Variants in CTSO observed in about 807,000 individuals in gnomAD.
The protein encoded by CTSO is cathepsin O.
CTSO carries 40 observed loss-of-function variants against 42.4 expected under a neutral mutation model. The ratio of observed to expected loss-of-function variants is 0.94; its 90% confidence interval spans 0.73 to 1.23. The LOEUF is 1.23. Among genes scored for constraint, CTSO ranks in the 50% most tolerant of loss-of-function variants. The pLI is 0.00. For missense variants in CTSO, 441 were observed against 396.0 expected (o/e 1.11, Z -0.96); for synonymous variants, 156 against 146.2 (o/e 1.07, Z -0.48).
intron 1 of CTSO, among the ~76,000 whole-genome samples, chr4:155,952,476 G>A (rs1743692763): frequency 6.6e-6 from 1 of 152,188 alleles, no homozygotes; most frequent in Non-Finnish European, 1.5e-5. Context: ...ACCAATAAAG[G>A]TGAAACTGAC....
rs1181367446 is a variant in CTSO, at chr4:155,932,082, T to G, written c.675-2377A>C. On this transcript the variant is annotated intron_variant, in intron 5 of 7. Coordinates refer to ENST00000433477, the MANE Select transcript of CTSO (RefSeq NM_001334.3). ...TTTTTGTTTATTTACATAGTCATTC[T>G]CATATTGTAGTTTGAGTCCTGAAAT... is the stretch of plus-strand genomic sequence containing the variant. Among the ~76,000 whole-genome samples, 5 of 152,238 alleles carry G rather than the reference T, an allele frequency of 3.3e-5. No individual in the cohort carries two copies. In the East Asian group the frequency reaches 9.6e-4, roughly 29 times the overall value.
intron 1 of CTSO, among the ~76,000 whole-genome samples, chr4:155,950,006 T>TA (rs11383821): frequency 0.73 from 110,744 of 152,104 alleles, 40,967 homozygotes; most frequent in South Asian, 0.91. Flanking sequence ...AAAAGCTTTT[T>TA]AAGGATACAC....
intron 2 of CTSO, 61 bp from the exon 3 acceptor site, chr4:155,942,517 T>TATGATATATATA: frequency 1.4e-6 from 1 of 724,858 alleles, no homozygotes; most frequent in Non-Finnish European, 1.8e-6. Flanking sequence ...TTATATTATA[T>TATGATATATATA]ATATCATATA....
intron 5 of CTSO, among the ~76,000 whole-genome samples, chr4:155,932,399 T>C (rs547639152): frequency 2.0e-5 from 3 of 152,188 alleles, no homozygotes; most frequent in Admixed American, 2.0e-4. Context: ...GCATCCACCA[T>C]ACATGGAAAT....
At position 155,937,343 on chromosome 4, in the gene CTSO, AAT is replaced by A. The variant is rs748193984; in HGVS notation, c.674+17_674+18del. On this transcript the variant is annotated intron_variant, in intron 5 of 7. Transcript: ENST00000433477. ...ATTAAAAATGTATAAAGAAAAACAT[AAT>A]ACAATAAGATCTTTACCTGAAGTCA... 1 of 1,578,280 alleles carries A rather than the reference AAT, an allele frequency of 6.3e-7. No individual in the cohort carries two copies. The highest frequency in any genetic ancestry group is 1.1e-5 in the South Asian group (1 of 88,122).
At chr4:155,933,371 G>T (rs1743269138) in intron 5 of CTSO, among the ~76,000 whole-genome samples, 1 of 151,954 alleles carries the variant, frequency 6.6e-6, no homozygotes, top group Non-Finnish European at 1.5e-5. Context: ...GGAACTGTAA[G>T]TCCAATTAAA....
Position 155,953,732 on chromosome 4 carries a change from C to T in CTSO, c.116G>A (p.Arg39His). The T allele has an allele frequency of 7.9e-7, 1 of 1,271,786 alleles. No homozygotes were observed. Among genetic ancestry groups the T allele is most frequent in the Non-Finnish European group, 9.9e-7 (1 of 1,010,100 alleles). 78.8% of individuals were successfully genotyped at this position (1,271,786 alleles called of 1,614,324 possible). Reference protein sequence around the residue: ...FTPTWPRSREREAAAFRESLN... With the variant: ...FTPTWPRSREHEAAAFRESLN... ...CGGTACCCGGAAGGCGGCGGCTTCACGCTCGCGGCTCCGCGGCCAGGTCGG... is the reference window on the plus strand; with the variant it reads ...CGGTACCCGGAAGGCGGCGGCTTCATGCTCGCGGCTCCGCGGCCAGGTCGG... The change falls in exon 1 of 8, where the codon CGT becomes CAT. Residue 39 changes from arginine (R) to histidine (H), a missense_variant. Coordinates refer to ENST00000433477, the MANE Select transcript of CTSO (RefSeq NM_001334.3).
chr4:155,925,879 G>A lies in CTSO; in HGVS notation c.*157C>T. 2 of 669,546 alleles carry A rather than the reference G, an allele frequency of 3.0e-6. No homozygotes were observed. Among genetic ancestry groups the A allele is most frequent in the East Asian group, 6.3e-5 (2 of 31,974 alleles). The allele number at this position is 669,546 out of a possible 1,614,324, so 41.5% of individuals were successfully genotyped here. A position where few individuals can be genotyped will look rare whatever the true frequency, so the allele number is the denominator to read the frequency against. ...TTGGTTGTCCATCTCTCTACAAGAA[G>A]GGAACATTCTGAAACTTAGTTTAAA... On this transcript the variant is annotated 3_prime_UTR_variant, in exon 8 of 8. Coordinates refer to ENST00000433477, the MANE Select transcript of CTSO (RefSeq NM_001334.3).
chr4:155,948,890 C>T (rs6830838), intron 1 of CTSO, among the ~76,000 whole-genome samples: 6,612 of 152,264 alleles, frequency 0.043, 399 homozygotes, highest in African/African-American at 0.13. Flanking sequence ...CAGATGTTTC[C>T]TTAATCTACT....
At chr4:155,945,941 A>G (rs1743537523) in intron 1 of CTSO, among the ~76,000 whole-genome samples, 1 of 152,104 alleles carries the variant, frequency 6.6e-6, no homozygotes, top group Non-Finnish European at 1.5e-5. Context: ...GCGCACACAC[A>G]CACATACGCA....
In CTSO at chr4:155,929,557, C is replaced by T. The variant is rs1560784237; in HGVS notation, c.823G>A (p.Gly275Arg). The T allele has an allele frequency of 4.3e-6, 7 of 1,612,456 alleles. No individual in the cohort carries two copies. The South Asian group carries it at 7.7e-5, about 18-fold the overall frequency. ...CAGCACTTACCTGTTTTATCAAACC[C>T]AGTTATGAGAACTGCATGATTTGCT... Reference protein sequence around the residue: ...GEANHAVLITGFDKTGSTPYW... With the variant: ...GEANHAVLITRFDKTGSTPYW... The change falls in exon 6 of 8, where the codon GGG (glycine) becomes AGG (arginine). Residue 275 changes from glycine to arginine, a missense_variant. By Grantham distance (125) the Gly-to-Arg change is moderately radical. Transcript: ENST00000433477.
intron 4 of CTSO, among the ~76,000 whole-genome samples, chr4:155,938,519 G>A (rs992468178): frequency 1.6e-4 from 25 of 152,188 alleles, no homozygotes; most frequent in African/African-American, 5.5e-4. Flanking sequence ...GGGACACTGG[G>A]GTATACTGAG....
intron 5 of CTSO, among the ~76,000 whole-genome samples, chr4:155,933,156 T>C (rs1743264411): frequency 6.6e-6 from 1 of 152,106 alleles, no homozygotes; most frequent in African/African-American, 2.4e-5. Flanking sequence ...TTCCCATGTG[T>C]TGTGGGAGGA....
intron 5 of CTSO, among the ~76,000 whole-genome samples, chr4:155,932,282 G>A (rs529601093): frequency 9.2e-5 from 14 of 152,162 alleles, no homozygotes; most frequent in African/African-American, 2.6e-4. Flanking sequence ...ACCACATGAC[G>A]TTACCAATAG....
intron 5 of CTSO, among the ~76,000 whole-genome samples, chr4:155,934,438 G>A (rs1000091125): frequency 2.6e-5 from 4 of 152,186 alleles, no homozygotes; most frequent in South Asian, 2.1e-4. Context: ...CAGGAGCTGC[G>A]AGAAGAGGGC....
chr4:155,944,027 T>G (rs1450601686), intron 1 of CTSO, among the ~76,000 whole-genome samples: 1 of 152,236 alleles, frequency 6.6e-6, no homozygotes, highest in Non-Finnish European at 1.5e-5. Flanking sequence ...ACCCTAGCGC[T>G]TCTACATATT....
intron 5 of CTSO, among the ~76,000 whole-genome samples, chr4:155,936,376 T>A (rs1315305042): frequency 6.6e-6 from 1 of 152,200 alleles, no homozygotes; most frequent in Non-Finnish European, 1.5e-5. Context: ...AATTTCACCC[T>A]TGATTTCTTT....
chr4:155,934,391 G>T (rs1246701726), intron 5 of CTSO, among the ~76,000 whole-genome samples: 2 of 152,234 alleles, frequency 1.3e-5, no homozygotes, highest in African/African-American at 2.4e-5. Flanking sequence ...CAGTGCAGAA[G>T]AAAAATGTGG....
rs1448400105 is a variant in CTSO at position 155,945,398 on chromosome 4, CAAT to C, written c.136-2137_136-2135del. Among the ~76,000 whole-genome samples, 5 of 152,200 alleles carry C rather than the reference CAAT, an allele frequency of 3.3e-5. 1 individual carries two copies. The East Asian group carries it at 9.6e-4, about 29-fold the overall frequency. On this transcript the variant is annotated intron_variant, in intron 1 of 7. Coordinates refer to ENST00000433477, the MANE Select transcript of CTSO (RefSeq NM_001334.3). Reference sequence around the variant, plus strand: ...GAATAATATTTTGACAACTTTATGACAATAAATTGGCAAACTGTACAAAATGGA... The same window carrying C: ...GAATAATATTTTGACAACTTTATGACAAATTGGCAAACTGTACAAAATGGA...
Sources: allele counts gnomAD v4.1 joint callset (sites outside exome capture counted in the v4.1 genomes callset), GRCh38; gene constraint gnomAD v4.1.1; transcripts MANE v1.5; gene names NCBI Gene and HGNC (gene_info 2026-07-23, HGNC 2026-07-21).